The following MCCC1 variants were observed in gnomAD, a reference collection of about 807,000 sequenced individuals.
The protein encoded by MCCC1 is methylcrotonoyl-CoA carboxylase subunit alpha, mitochondrial.
Under a neutral mutation model 83.8 loss-of-function variants are expected in MCCC1, and 64 were observed. The ratio of observed to expected loss-of-function variants is 0.76; its 90% CI spans 0.62 to 0.94. The LOEUF (loss-of-function observed/expected upper bound fraction) is 0.94. MCCC1 is among the 40% of genes least tolerant of loss of function. The pLI, the probability that MCCC1 is intolerant of heterozygous loss-of-function variation, is 0.00. For synonymous variants in MCCC1, 322 were observed against 315.4 expected (o/e 1.02, Z -0.22); for missense variants, 807 against 904.7 (o/e 0.89, Z 1.39).
chr3:183,109,153 A>C (rs979896731), intron 1 of MCCC1, among the ~76,000 whole-genome samples: 1 of 151,788 alleles, frequency 6.6e-6, no homozygotes, highest in Admixed American at 6.6e-5. Context: ...CACCATGCCC[A>C]GCTAATTTTT....
intron 7 of MCCC1, among the ~76,000 whole-genome samples, chr3:183,066,748 A>T (rs115662969): frequency 0.018 from 2,783 of 152,358 alleles, 84 homozygotes; most frequent in African/African-American, 0.062. Context: ...ATATCAAGCA[A>T]AACAGGAGTT....
chr3:183,035,719 A>T (rs1240476166), intron 13 of MCCC1, among the ~76,000 whole-genome samples: 1 of 152,176 alleles, frequency 6.6e-6, no homozygotes, highest in Admixed American at 6.5e-5. Flanking sequence ...CCAATAAAAG[A>T]GAAAAATAGA....
At chr3:183,107,509 TTTA>T (rs199825914) in intron 1 of MCCC1, among the ~76,000 whole-genome samples, 131 of 150,642 alleles carry the variant, frequency 8.7e-4, no homozygotes, top group East Asian at 1.9e-3. Context: ...CTGTTTTGTT[TTTA>T]TTATTATTAT....
intron 1 of MCCC1, among the ~76,000 whole-genome samples, chr3:183,110,100 G>A (rs1455809819): frequency 1.3e-5 from 2 of 152,072 alleles, no homozygotes; most frequent in East Asian, 1.9e-4. Context: ...TAATAGGATT[G>A]TCTTTTGCTA....
At chr3:183,103,856 A>G (rs986969048), upstream of MCCC1, among the ~76,000 whole-genome samples, 65 of 152,288 alleles carry the variant, frequency 4.3e-4, no homozygotes, top group Middle Eastern at 6.8e-3. Flanking sequence ...GGGGAGGCTC[A>G]GGCATGGCGG....
chr3:183,082,687 G>A (rs547257367), intron 4 of MCCC1, among the ~76,000 whole-genome samples: 1 of 152,308 alleles, frequency 6.6e-6, no homozygotes, highest in East Asian at 1.9e-4. Flanking sequence ...GCAATCGAGA[G>A]AACGAGTGTG....
intron 1 of MCCC1, among the ~76,000 whole-genome samples, chr3:183,096,261 G>C (rs1396868139): frequency 1.3e-5 from 2 of 151,874 alleles, no homozygotes; most frequent in African/African-American, 4.8e-5. Flanking sequence ...ACTTGAACTT[G>C]GGAGGTGGAG....
At chr3:183,114,604 T>C (rs1018936203) in intron 1 of MCCC1, among the ~76,000 whole-genome samples, 32 of 152,238 alleles carry the variant, frequency 2.1e-4, no homozygotes, top group Non-Finnish European at 5.9e-5. Context: ...TGTTATGGTG[T>C]GAAAGAAGAA....
In MCCC1 at chr3:183,041,674, T is replaced by C. The variant is rs147116804; in HGVS notation, c.1160A>G (p.Tyr387Cys). 161 of 1,614,224 alleles carry C rather than the reference T, an allele frequency of 1.0e-4. No homozygotes were observed. The African/African-American group carries it at 2.0e-3, about 20-fold the overall frequency. ...GAAGTTATTGCTAGGATCTTCTGCA[T>C]ATATTCTAGCTTCGAAGGCATGGCC... ...LQGHAFEARI[Y>C]AEDPSNNFMP... The change falls in exon 11 of 19, where the codon TAT (tyrosine) becomes TGT (cysteine). Residue 387 changes from tyrosine (Y) to cysteine (C), a missense_variant. Coordinates refer to ENST00000265594, the MANE Select transcript of MCCC1 (RefSeq NM_020166.5).
chr3:183,063,184 T>C (rs1715980518), intron 7 of MCCC1, among the ~76,000 whole-genome samples: 2 of 19,484 alleles, frequency 1.0e-4, no homozygotes, highest in Admixed American at 6.5e-4. Context: ...GGGGTTTCAC[T>C]GTGTTAGCCA....
chr3:183,066,704 T>A (rs1273177741), intron 7 of MCCC1, among the ~76,000 whole-genome samples: 1 of 152,242 alleles, frequency 6.6e-6, no homozygotes. Flanking sequence ...AAAGAAACTT[T>A]CAGGACTCTC....
chr3:183,108,619 T>C (rs1719443510), intron 1 of MCCC1, among the ~76,000 whole-genome samples: 1 of 152,216 alleles, frequency 6.6e-6, no homozygotes, highest in Non-Finnish European at 1.5e-5. Flanking sequence ...AAGTAATGTT[T>C]AAATCTGACT....
At chr3:183,060,572 CTT>C (rs1481520137) in intron 7 of MCCC1, among the ~76,000 whole-genome samples, 2 of 151,642 alleles carry the variant, frequency 1.3e-5, no homozygotes, top group African/African-American at 4.9e-5. Context: ...TGCAAATACA[CTT>C]ATAGTTTTTT....
chr3:183,081,104 G>A (rs988928044), intron 4 of MCCC1, among the ~76,000 whole-genome samples: 5 of 152,170 alleles, frequency 3.3e-5, no homozygotes, highest in African/African-American at 1.2e-4. Flanking sequence ...CGTACACTCT[G>A]GGAACAGCCT....
intron 7 of MCCC1, among the ~76,000 whole-genome samples, chr3:183,060,527 C>A (rs953026361): frequency 6.6e-6 from 1 of 152,124 alleles, no homozygotes; most frequent in African/African-American, 2.4e-5. Context: ...GACTGAAATC[C>A]TTTTCATTGT....
rs1342852293 is a variant in MCCC1, at chr3:183,091,874, TA to T, written c.273+534del. ...TAACACGGTGAAAACCTGTCTCTAC[TA>T]AAAATACAAAAAATTAGCCGGTCGT... On this transcript the variant is annotated intron_variant, in intron 3 of 18. Coordinates refer to ENST00000265594, the MANE Select transcript of MCCC1 (RefSeq NM_020166.5). 2.6e-5 allele frequency among the ~76,000 whole-genome samples: 4 copies of T among 152,146 alleles called. No homozygotes were observed. The East Asian group carries it at 7.7e-4, about 29-fold the overall frequency.
At chr3:183,040,868 T>G (rs1000840947) in intron 11 of MCCC1, among the ~76,000 whole-genome samples, 1 of 152,230 alleles carries the variant, frequency 6.6e-6, no homozygotes, top group Non-Finnish European at 1.5e-5. Flanking sequence ...CAGGAGACCG[T>G]GGAGGCTCAG....
chr3:183,103,923 C>G (rs1047035072), upstream of MCCC1, among the ~76,000 whole-genome samples: 6 of 152,196 alleles, frequency 3.9e-5, no homozygotes, highest in African/African-American at 9.6e-5. Flanking sequence ...GCGAGAAATC[C>G]AGCGCAGCGC....
chr3:183,057,217 G>T (rs1250820919), intron 8 of MCCC1, 94 bp downstream of exon 8: 1 of 1,032,986 alleles, frequency 9.7e-7, no homozygotes. Flanking sequence ...AGTTTGAGGG[G>T]TGAGAGACAC....
Sources: allele counts gnomAD v4.1 joint callset (sites outside exome capture counted in the v4.1 genomes callset), GRCh38; gene constraint gnomAD v4.1.1; transcripts MANE v1.5; gene names NCBI Gene and HGNC (gene_info 2026-07-23, HGNC 2026-07-21).